Variants in SLC23A2 observed in about 807,000 individuals in gnomAD.
SLC23A2 encodes the protein Na(+)/L-ascorbic acid transporter 2.
In SLC23A2, 36 loss-of-function variants were observed where a neutral mutation model predicts 73.3. That is an observed-to-expected ratio of 0.49 (90% confidence interval 0.38 to 0.65). The LOEUF (loss-of-function observed/expected upper bound fraction) is 0.65, where lower values mean the gene tolerates loss of function less well. SLC23A2 is among the 30% of genes least tolerant of loss of function. The pLI is 0.00. For missense variants in SLC23A2, 507 were observed against 841.6 expected (o/e 0.60, Z 4.92); for synonymous variants, 343 against 327.3 (o/e 1.05, Z -0.52).
At chr20:4,864,604 A>G (rs1276264389) in intron 13 of SLC23A2, among the ~76,000 whole-genome samples, 2 of 152,256 alleles carry the variant, frequency 1.3e-5, no homozygotes, top group Non-Finnish European at 2.9e-5. Flanking sequence ...TCGAGGAACT[A>G]TGTAATTATT....
intron 1 of SLC23A2, among the ~76,000 whole-genome samples, chr20:5,007,913 CTTT>C (rs748144764): frequency 6.9e-6 from 1 of 145,524 alleles, no homozygotes. Context: ...ATAAAATTAA[CTTT>C]TTTTTTTTTT....
At chr20:4,952,274 T>C (rs72552365) in intron 2 of SLC23A2, among the ~76,000 whole-genome samples, 4,284 of 152,082 alleles carry the variant, frequency 0.028, 201 homozygotes, top group African/African-American at 0.098. Flanking sequence ...CCTAGCAAAA[T>C]AATTTAACCA....
chr20:4,939,179 A>C (rs2087004373), intron 2 of SLC23A2, among the ~76,000 whole-genome samples: 1 of 152,254 alleles, frequency 6.6e-6, no homozygotes, highest in South Asian at 2.1e-4. Context: ...AGAAAGAAAC[A>C]GTATCACAGC....
At position 4,869,998 on chromosome 20, in the gene SLC23A2, G is replaced by A. The variant is rs34460747; in HGVS notation, c.1158C>T (p.Ala386=). ...SAAGVIGMLS[A]VVASIIESIG... ...TAGACTCGATGATGCTGGCGACCACGGCACTGAGCATGCCGATGACACCGG... is the reference window on the plus strand; with the variant it reads ...TAGACTCGATGATGCTGGCGACCACAGCACTGAGCATGCCGATGACACCGG... The change falls in exon 12 of 17, where the codon GCC becomes GCT. Residue 386 remains alanine, a synonymous_variant. Coordinates refer to ENST00000338244, the MANE Select transcript of SLC23A2 (RefSeq NM_005116.6). The A allele has an allele frequency of 2.3e-3, 3,644 of 1,613,662 alleles. 74 individuals carry two copies. In the African/African-American group the frequency reaches 0.041, roughly 18 times the overall value.
chr20:4,861,763 G>A (rs377234647), intron 15 of SLC23A2, among the ~76,000 whole-genome samples, 185 bp downstream of exon 15: 3 of 152,140 alleles, frequency 2.0e-5, no homozygotes, highest in East Asian at 1.9e-4. Context: ...ATGTGTACAC[G>A]CCAGCAGGAA....
chr20:4,864,370 C>T (rs924452800), intron 13 of SLC23A2, among the ~76,000 whole-genome samples: 17 of 152,146 alleles, frequency 1.1e-4, no homozygotes, highest in African/African-American at 2.4e-4. Flanking sequence ...CAGCCAGTTA[C>T]GCATCAGAGC....
chr20:4,926,118 C>T (rs533240688), intron 3 of SLC23A2, among the ~76,000 whole-genome samples: 1 of 152,170 alleles, frequency 6.6e-6, no homozygotes, highest in Non-Finnish European at 1.5e-5. Flanking sequence ...GAGAAGTGGT[C>T]GGTTCTTATG....
At chr20:4,895,996 G>A (rs913505181) in intron 6 of SLC23A2, among the ~76,000 whole-genome samples, 13 of 152,216 alleles carry the variant, frequency 8.5e-5, no homozygotes, top group Admixed American at 1.3e-4. Context: ...GTGAGAGGTG[G>A]TGCGGCTGAC....
intron 4 of SLC23A2, among the ~76,000 whole-genome samples, chr20:4,911,576 T>C (rs928333712): frequency 3.9e-5 from 6 of 152,222 alleles, no homozygotes; most frequent in Admixed American, 6.5e-5. Flanking sequence ...TACAGTATAA[T>C]ACAGTGGTTC....
At chr20:4,952,103 CA>C (rs57832305) in intron 2 of SLC23A2, among the ~76,000 whole-genome samples, 1,395 of 40,366 alleles carry the variant, frequency 0.035, 9 homozygotes, top group African/African-American at 0.094. Context: ...GACTCTGACT[CA>C]AAAAAAAAAA....
chr20:4,916,893 G>A (rs1249197521), intron 3 of SLC23A2, among the ~76,000 whole-genome samples: 1 of 152,196 alleles, frequency 6.6e-6, no homozygotes, highest in South Asian at 2.1e-4. Flanking sequence ...GAGCACATGT[G>A]AGGTAGGCGG....
chr20:4,862,023 G>C lies in SLC23A2; in HGVS notation c.1549C>G (p.Leu517Val). 6.2e-7 allele frequency: 1 copy of C among 1,614,086 alleles called. No individual in the cohort carries two copies. Residue 517 changes from leucine (L) to valine (V), a missense_variant, in exon 15 of 17, where the codon CTC (leucine) becomes GTC (valine). Physicochemically the swap from Leu to Val is conservative, Grantham distance 32 (BLOSUM62 1). Around this residue, in one of 5 missense-constraint regions of SLC23A2, gnomAD observed 168 missense variants for 302.3 expected, o/e 0.56. Coordinates refer to ENST00000338244, the MANE Select transcript of SLC23A2 (RefSeq NM_005116.6). This position sits in a 1 kb window ranked among gnomAD's most constrained non-coding sequence, Gnocchi z 5.1. ...AAGATCGAAAATCCAAGCACAAAGA[G>C]GTTCCGGGAAGAATTTAAATCAATG... is the stretch of plus-strand genomic sequence containing the variant. Reference protein sequence around the residue: ...QFIDLNSSRNLFVLGFSIFFG... With the variant: ...QFIDLNSSRNVFVLGFSIFFG...
chr20:5,002,586 C>T (rs1015140640), upstream of SLC23A2, among the ~76,000 whole-genome samples: 2 of 152,218 alleles, frequency 1.3e-5, no homozygotes, highest in Admixed American at 1.3e-4. Context: ...ATGTGTTTTA[C>T]ACAGTTTTGG....
At chr20:4,870,107 A>G in intron 11 of SLC23A2, 54 bp from the exon 12 acceptor site, 1 of 1,466,584 alleles carries the variant, frequency 6.8e-7, no homozygotes, top group Non-Finnish European at 9.2e-7. Flanking sequence ...GAAAGTGACC[A>G]GGACCAGTTA....
chr20:4,902,629 G>A lies in SLC23A2; in HGVS notation c.208-71C>T. On this transcript the variant is annotated intron_variant, in intron 4 of 16. Transcript: ENST00000338244. The surrounding 1 kb of genome is among the most constrained non-coding windows in gnomAD (Gnocchi z 4.0). ...CCAGTGTTAGCTCGGCCATGTACAG[G>A]CCACTATTACAGAAAAACAACTTTA... The A allele has an allele frequency of 1.3e-6, 1 of 764,360 alleles. No individual in the cohort carries two copies. Among genetic ancestry groups the A allele is most frequent in the Non-Finnish European group, 2.1e-6 (1 of 468,950 alleles). The allele number at this position is 764,360 out of a possible 1,614,324, so 47.3% of individuals were successfully genotyped here.
chr20:4,869,657 T>G (rs1930359692), intron 12 of SLC23A2: 1 of 454,128 alleles, frequency 2.2e-6, no homozygotes. Context: ...TTGATGTCAC[T>G]GCAATTAAGG....
At chr20:4,897,806 T>G (rs1931600209) in intron 6 of SLC23A2, among the ~76,000 whole-genome samples, 1 of 152,178 alleles carries the variant, frequency 6.6e-6, no homozygotes. Context: ...GGGGCAGAGC[T>G]GCACACGGTA....
At chr20:4,972,284 A>C (rs1285952599) in intron 1 of SLC23A2, among the ~76,000 whole-genome samples, 1 of 152,104 alleles carries the variant, frequency 6.6e-6, no homozygotes, top group Non-Finnish European at 1.5e-5. Flanking sequence ...CAACGGCCCC[A>C]AGTTAAATAG....
In SLC23A2 at chr20:4,972,778, G is replaced by A. The variant is rs775598256; in HGVS notation, c.-281-1859C>T. 3.3e-5 allele frequency among the ~76,000 whole-genome samples: 5 copies of A among 152,034 alleles called. No homozygotes were observed. The East Asian group carries it at 5.8e-4, about 18-fold the overall frequency. On this transcript the variant is annotated intron_variant, in intron 1 of 16. Coordinates refer to ENST00000338244, the MANE Select transcript of SLC23A2 (RefSeq NM_005116.6). Reference sequence around the variant, plus strand: ...TTTTTTGTATTTTTAGTAGAGACACGGTTTCACCATGCTGGCCAGGCTGGT... The same window carrying A: ...TTTTTTGTATTTTTAGTAGAGACACAGTTTCACCATGCTGGCCAGGCTGGT...
Sources: gnomAD v4.1 joint callset for allele counts (sites outside exome capture counted in the v4.1 genomes callset) on GRCh38, gnomAD v4.1.1 for gene constraint, gnomAD v4.1.1 regional missense constraint, Gnocchi (gnomAD v3.1) non-coding constraint, MANE v1.5 for transcripts, NCBI Gene and HGNC (gene_info 2026-07-23, HGNC 2026-07-21) for gene names.